The following GTF3C2 variants were observed in gnomAD, a reference collection of about 807,000 sequenced individuals.
The protein encoded by GTF3C2 is general transcription factor 3C polypeptide 2.
Under a neutral mutation model 117.4 loss-of-function variants are expected in GTF3C2, and 17 were observed. That is an observed-to-expected ratio of 0.14 (90% CI 0.10 to 0.22). The LOEUF (loss-of-function observed/expected upper bound fraction) is 0.22. GTF3C2 is among the 10% of genes least tolerant of loss of function. GTF3C2 has a pLI of 1.00. For synonymous variants in GTF3C2, 437 were observed against 427.0 expected, an observed-to-expected ratio of 1.02 and a Z score of -0.29; for missense variants, 888 against 1,143.6, an observed-to-expected ratio of 0.78 and a Z score of 3.22.
intron 12 of GTF3C2, among the ~76,000 whole-genome samples, chr2:27,332,223 G>T (rs74979511): frequency 0.024 from 3,552 of 151,146 alleles, 132 homozygotes; most frequent in African/African-American, 0.082. Flanking sequence ...TTCACCATGT[G>T]GCCCAGTCTC....
At position 27,326,418 on chromosome 2, in the gene GTF3C2, A is replaced by T; in HGVS notation, c.*257T>A. 1.6e-5 allele frequency: 9 copies of T among 568,606 alleles called. No homozygotes were observed. The South Asian group carries it at 1.8e-4, about 11-fold the overall frequency. The allele number at this position is 568,606 out of a possible 1,614,324, so 35.2% of individuals were successfully genotyped here. On this transcript the variant is annotated 3_prime_UTR_variant, in exon 19 of 19. Transcript: ENST00000264720. ...GACTCCCAAGCCTAGGTCAGGCCTGAGTGTTTCTCATGAGCCATAGTCTTA... is the reference window on the plus strand; with the variant it reads ...GACTCCCAAGCCTAGGTCAGGCCTGTGTGTTTCTCATGAGCCATAGTCTTA...
chr2:27,336,835 C>T (rs1680498173), intron 7 of GTF3C2: 2 of 216,244 alleles, frequency 9.2e-6, no homozygotes, highest in Non-Finnish European at 1.8e-5. Flanking sequence ...GTCTTGAACT[C>T]GTGGGCTCAA....
At chr2:27,337,788 C>A in intron 5 of GTF3C2, 138 bp downstream of exon 5, 2 of 720,294 alleles carry the variant, frequency 2.8e-6, no homozygotes, top group Non-Finnish European at 5.0e-6. Flanking sequence ...GCCTCTAGAG[C>A]AGTGCTTTTT....
chr2:27,345,715 C>CTTTT (rs747679500), intron 1 of GTF3C2, among the ~76,000 whole-genome samples: 1 of 140,018 alleles, frequency 7.1e-6, no homozygotes. Flanking sequence ...AAAGCTTTTC[C>CTTTT]TTTTTTTTTT....
At chr2:27,336,133 C>G (rs564240062) in intron 8 of GTF3C2, 65 bp downstream of exon 8, 3 of 1,427,704 alleles carry the variant, frequency 2.1e-6, no homozygotes, top group Non-Finnish European at 3.0e-6. Flanking sequence ...TTCCCCCTAT[C>G]CTGTCCAGAC....
intron 1 of GTF3C2, among the ~76,000 whole-genome samples, chr2:27,352,378 G>A (rs949483561): frequency 3.9e-5 from 6 of 152,162 alleles, no homozygotes; most frequent in Admixed American, 1.3e-4. Flanking sequence ...AACCAAAGCC[G>A]TTAGGTGGGA....
At chr2:27,335,553 T>G (rs1680434920) in intron 10 of GTF3C2, 45 bp downstream of exon 10, 2 of 1,108,210 alleles carry the variant, frequency 1.8e-6, no homozygotes, top group East Asian at 5.1e-5. Context: ...TGCTATGCTG[T>G]GACCACCACT....
At chr2:27,331,583 C>G (rs1680273521) in intron 12 of GTF3C2, among the ~76,000 whole-genome samples, 1 of 152,058 alleles carries the variant, frequency 6.6e-6, no homozygotes, top group South Asian at 2.1e-4. Flanking sequence ...CCTCGGCCTT[C>G]CAAAGTGCTG....
rs140509984 is a variant in GTF3C2, at chr2:27,344,115, C to T, written c.-24-537G>A. Among the ~76,000 whole-genome samples, 1,093 of 151,756 alleles carry T rather than the reference C, an allele frequency of 7.2e-3. 17 individuals carry two copies. The highest frequency in any genetic ancestry group is 0.025 in the African/African-American group (1,043 of 41,344). On this transcript the variant is annotated intron_variant, in intron 1 of 18. Coordinates refer to ENST00000264720, the Ensembl canonical transcript of GTF3C2. Reference sequence around the variant, plus strand: ...TCTCAGCTCACTACAACCTCCACCTCCTGGGTTCAAGCAATTCTCCTGCCT... The same window carrying T: ...TCTCAGCTCACTACAACCTCCACCTTCTGGGTTCAAGCAATTCTCCTGCCT...
At chr2:27,347,429 A>C (rs1034625812) in intron 1 of GTF3C2, among the ~76,000 whole-genome samples, 1 of 152,238 alleles carries the variant, frequency 6.6e-6, no homozygotes. Context: ...ACAAGAAAAC[A>C]CATGTGCTAA....
intron 3 of GTF3C2, 132 bp from the exon 4 acceptor site, chr2:27,342,365 C>T: frequency 1.4e-6 from 1 of 705,234 alleles, no homozygotes; most frequent in South Asian, 2.3e-5. Context: ...TATTAATTTC[C>T]CCTTCCCCCT....
intron 1 of GTF3C2, 143 bp downstream of exon 1, chr2:27,356,596 G>C (rs574603280): frequency 5.0e-4 from 82 of 163,230 alleles, no homozygotes; most frequent in Non-Finnish European, 7.2e-4. Context: ...CTCTGTAGGA[G>C]CGCAGACGCT....
rs1339422805 is a variant in GTF3C2, at chr2:27,350,480, C to T, written c.-25+6259G>A. The T allele has an allele frequency of 3.0e-6, 3 of 985,450 alleles. No homozygotes were observed. In the East Asian group the frequency reaches 3.3e-4, roughly 110 times the overall value. 61.0% of individuals were successfully genotyped at this position (985,450 alleles called of 1,614,324 possible). On this transcript the variant is annotated intron_variant, in intron 1 of 18. Coordinates refer to ENST00000264720, the Ensembl canonical transcript of GTF3C2. ...AAGTGCTTATCAAACTGGGAAGGTG[C>T]TCTTATTTACAGCTGCTGGCTCAAG... is the stretch of plus-strand genomic sequence containing the variant.
exon 18 of GTF3C2, chr2:27,327,242 T>C: frequency 1.2e-6 from 2 of 1,610,198 alleles, no homozygotes; most frequent in Non-Finnish European, 1.7e-6. Flanking sequence ...CCCTCCTGCA[T>C]GCGCAGCATT....
At chr2:27,346,479 G>C (rs1680921697) in intron 1 of GTF3C2, among the ~76,000 whole-genome samples, 3 of 148,998 alleles carry the variant, frequency 2.0e-5, no homozygotes, top group Non-Finnish European at 4.5e-5. Flanking sequence ...AGCCGCCTGA[G>C]TAGTTGGGAC....
At chr2:27,326,585 C>G in exon 19 of GTF3C2, 1 of 939,830 alleles carries the variant, frequency 1.1e-6, no homozygotes, top group Non-Finnish European at 1.7e-6. Flanking sequence ...TGATCACTGT[C>G]CAGGGAAGGC....
Position 27,337,090 on chromosome 2 carries a change from A to C in GTF3C2, c.1127+154T>G. 4 of 620,420 alleles carry C rather than the reference A, an allele frequency of 6.4e-6. 1 individual carries two copies. The highest frequency in any genetic ancestry group is 1.2e-5 in the Non-Finnish European group (4 of 341,940). 38.4% of individuals were successfully genotyped at this position (620,420 alleles called of 1,614,324 possible). A position where few individuals can be genotyped will look rare whatever the true frequency, so the allele number is the denominator to read the frequency against. Reference sequence around the variant, plus strand: ...CAGTAATGAACACTACAAATCAGAGAGGACTGACCAGCTCTAGTCAGCACT... The same window carrying C: ...CAGTAATGAACACTACAAATCAGAGCGGACTGACCAGCTCTAGTCAGCACT... On this transcript the variant is annotated intron_variant, in intron 7 of 18. Coordinates refer to ENST00000264720, the Ensembl canonical transcript of GTF3C2.
At position 27,349,233 on chromosome 2, in the gene GTF3C2, C is replaced by T. The variant is rs1204912111; in HGVS notation, c.-24-5655G>A. Among the ~76,000 whole-genome samples, 17 of 149,590 alleles carry T rather than the reference C, an allele frequency of 1.1e-4. No homozygotes were observed. The East Asian group carries it at 1.6e-3, about 14-fold the overall frequency. ...CGCGATTTCGGCTCACTGCAAGCTC[C>T]GCCTCCCGGGTTCACGCCATTCTCC... On this transcript the variant is annotated intron_variant, in intron 1 of 18. Transcript: ENST00000264720.
At chr2:27,331,328 C>T (rs773629663) in intron 12 of GTF3C2, among the ~76,000 whole-genome samples, 18 of 152,120 alleles carry the variant, frequency 1.2e-4, no homozygotes, top group Non-Finnish European at 2.2e-4. Context: ...CTAAAAACAA[C>T]ACTGTCATTT....
Sources: allele counts gnomAD v4.1 joint callset (sites outside exome capture counted in the v4.1 genomes callset), GRCh38; gene constraint gnomAD v4.1.1; transcripts MANE v1.5; gene names NCBI Gene and HGNC (gene_info 2026-07-23, HGNC 2026-07-21).